The following SEZ6L variants were observed in gnomAD, a reference collection of about 807,000 sequenced individuals.
SEZ6L encodes seizure 6-like protein.
SEZ6L carries 37 observed loss-of-function variants against 106.2 expected under a neutral mutation model. The observed-to-expected ratio is 0.35, with a 90% CI of 0.27 to 0.46. The LOEUF (loss-of-function observed/expected upper bound fraction) is 0.46. SEZ6L is among the 20% of genes least tolerant of loss of function. The probability of loss-of-function intolerance (pLI) is 1.00; values close to 1 mark genes in which losing one functional copy is unlikely to be tolerated. For synonymous variants in SEZ6L, 541 were observed against 570.4 expected, an observed-to-expected ratio of 0.95 and a Z score of 0.73; for missense variants, 1,172 against 1,332.8, an observed-to-expected ratio of 0.88 and a Z score of 1.88.
At chr22:26,274,634 T>C (rs1237648898) in intron 1 of SEZ6L, among the ~76,000 whole-genome samples, 1 of 152,170 alleles carries the variant, frequency 6.6e-6, no homozygotes, top group Non-Finnish European at 1.5e-5. Context: ...TACCCAGCCA[T>C]AACCATAAGG....
At chr22:26,203,374 T>C (rs1263211788) in intron 1 of SEZ6L, among the ~76,000 whole-genome samples, 2 of 152,216 alleles carry the variant, frequency 1.3e-5, no homozygotes, top group Admixed American at 1.3e-4. Flanking sequence ...CCATTGGGCA[T>C]GTTGTGATTG....
intron 13 of SEZ6L, among the ~76,000 whole-genome samples, chr22:26,372,349 G>A (rs138699980): frequency 1.6e-4 from 25 of 152,284 alleles, no homozygotes; most frequent in Admixed American, 1.4e-3. Context: ...GGACATTCAC[G>A]CACTCTCACT....
chr22:26,351,220 C>A lies in SEZ6L; in HGVS notation c.2576C>A (p.Thr859Lys). The change falls in exon 12 of 17, where the codon ACG (threonine) becomes AAG (lysine). Residue 859 changes from threonine (T) to lysine (K), a missense_variant. Thr to Lys is a moderately conservative substitution (Grantham distance 78). Transcript: ENST00000248933. ...CGTGAAACAGGGACTCCCATCTGGACGTCTCGCCTGCCCCACTGCGTTTGT... is the reference window on the plus strand; with the variant it reads ...CGTGAAACAGGGACTCCCATCTGGAAGTCTCGCCTGCCCCACTGCGTTTGT... ...YSRETGTPIW[T>K]SRLPHCVSEE... 6.2e-7 allele frequency: 1 copy of A among 1,613,986 alleles called. No homozygotes were observed. The highest frequency in any genetic ancestry group is 8.5e-7 in the Non-Finnish European group (1 of 1,179,930).
chr22:26,347,840 C>T lies in SEZ6L; in HGVS notation c.2334C>T (p.Asp778=), dbSNP rs773363010. Residue 778 remains aspartate (D), a synonymous_variant, in exon 11 of 17, where the codon GAC becomes GAT. Coordinates refer to ENST00000248933, the MANE Select transcript of SEZ6L (RefSeq NM_021115.5). ...RITYQCDPGY[D]IVGSDTLTCQ... Reference sequence around the variant, plus strand: ...CCTACCAGTGTGACCCCGGCTATGACATCGTGGGGAGTGACACCCTCACCT... The same window carrying T: ...CCTACCAGTGTGACCCCGGCTATGATATCGTGGGGAGTGACACCCTCACCT... 2 of 1,603,682 alleles carry T rather than the reference C, an allele frequency of 1.2e-6. No individual in the cohort carries two copies. Among genetic ancestry groups the T allele is most frequent in the Non-Finnish European group, 8.5e-7 (1 of 1,176,606 alleles).
intron 6 of SEZ6L, among the ~76,000 whole-genome samples, chr22:26,308,229 G>A: frequency 6.6e-6 from 1 of 151,908 alleles, no homozygotes; most frequent in East Asian, 1.9e-4. Flanking sequence ...CAAAATGGAA[G>A]GAGATTGGAT....
chr22:26,200,039 C>A (rs1176476332), intron 1 of SEZ6L, among the ~76,000 whole-genome samples: 1 of 152,206 alleles, frequency 6.6e-6, no homozygotes, highest in Non-Finnish European at 1.5e-5. Flanking sequence ...AGTTAAGCTA[C>A]TGAGCAAAGA....
chr22:26,261,124 T>C (rs961167450), intron 1 of SEZ6L, among the ~76,000 whole-genome samples: 1 of 152,240 alleles, frequency 6.6e-6, no homozygotes, highest in Non-Finnish European at 1.5e-5. Flanking sequence ...TTGTAGATTA[T>C]GGATATTAGT....
At chr22:26,303,560 G>A (rs1223699055) in intron 5 of SEZ6L, among the ~76,000 whole-genome samples, 27 of 152,236 alleles carry the variant, frequency 1.8e-4, no homozygotes, top group Admixed American at 1.8e-3. Context: ...CTGAGCTTGA[G>A]TCTCAACTGC....
chr22:26,212,233 G>A (rs1478438722), intron 1 of SEZ6L, among the ~76,000 whole-genome samples: 1 of 152,152 alleles, frequency 6.6e-6, no homozygotes, highest in African/African-American at 2.4e-5. Context: ...CATGGCACGG[G>A]GCCTGGTCTT....
chr22:26,311,635 C>G (rs767449323), intron 7 of SEZ6L, 133 bp from the exon 8 acceptor site: 7 of 798,146 alleles, frequency 8.8e-6, no homozygotes, highest in Non-Finnish European at 1.4e-5. Context: ...TCAGCTGGAA[C>G]CAGGACACGT....
intron 1 of SEZ6L, among the ~76,000 whole-genome samples, chr22:26,250,593 T>C (rs1207724066): frequency 2.6e-5 from 4 of 152,222 alleles, no homozygotes; most frequent in Non-Finnish European, 5.9e-5. Flanking sequence ...AGTCAGGTAG[T>C]ATGATGCCTC....
intron 1 of SEZ6L, among the ~76,000 whole-genome samples, chr22:26,176,174 G>T (rs1236736943): frequency 6.6e-6 from 1 of 152,198 alleles, no homozygotes; most frequent in East Asian, 1.9e-4. Flanking sequence ...AAGGCAACTG[G>T]GTCAGAACGG....
At chr22:26,311,715 C>A in intron 7 of SEZ6L, 53 bp from the exon 8 acceptor site, 2 of 1,491,978 alleles carry the variant, frequency 1.3e-6, no homozygotes, top group South Asian at 1.2e-5. Context: ...AATATAGCAC[C>A]GTGGGGTAGT....
intron 1 of SEZ6L, among the ~76,000 whole-genome samples, chr22:26,284,615 A>AAAAC (rs2080873670): frequency 9.2e-6 from 1 of 108,768 alleles, no homozygotes; most frequent in African/African-American, 3.1e-5. Context: ...AAAAAAAAAA[A>AAAAC]AAAAAAAAAA....
At chr22:26,221,836 A>G (rs2145725467) in intron 1 of SEZ6L, among the ~76,000 whole-genome samples, 1 of 152,248 alleles carries the variant, frequency 6.6e-6, no homozygotes, top group African/African-American at 2.4e-5. Context: ...GACCCAAGTC[A>G]AGAAAGTTTC....
chr22:26,255,474 A>G (rs6004977), intron 1 of SEZ6L, among the ~76,000 whole-genome samples: 3,488 of 152,304 alleles, frequency 0.023, 134 homozygotes, highest in African/African-American at 0.08. Context: ...TCCCTTGCCC[A>G]CTACATGGAA....
At chr22:26,213,092 A>G in intron 1 of SEZ6L, among the ~76,000 whole-genome samples, 1 of 152,172 alleles carries the variant, frequency 6.6e-6, no homozygotes, top group African/African-American at 2.4e-5. Context: ...GGCTCCCTAC[A>G]TTCCTCCCAC....
At chr22:26,189,972 C>T (rs961960457) in intron 1 of SEZ6L, among the ~76,000 whole-genome samples, 13 of 152,100 alleles carry the variant, frequency 8.5e-5, no homozygotes, top group African/African-American at 2.4e-4. Flanking sequence ...TGGCGGGCAC[C>T]TGTGGTCCCA....
chr22:26,236,998 C>G (rs1211934957), intron 1 of SEZ6L, among the ~76,000 whole-genome samples: 2 of 152,192 alleles, frequency 1.3e-5, no homozygotes, highest in African/African-American at 4.8e-5. Context: ...CTTCCCACTC[C>G]CAGAAGCTGC....
Sources: allele counts gnomAD v4.1 joint callset (sites outside exome capture counted in the v4.1 genomes callset), GRCh38; gene constraint gnomAD v4.1.1; transcripts MANE v1.5; gene names NCBI Gene and HGNC (gene_info 2026-07-23, HGNC 2026-07-21).